The following CADM2 variants were observed in gnomAD, a reference collection of about 807,000 sequenced individuals.
The protein encoded by CADM2 is cell adhesion molecule 2, also known as immunoglobulin superfamily member 4D.
A neutral mutation model predicts 49.8 loss-of-function variants in CADM2; 12 were observed. The observed-to-expected ratio is 0.24, with a 90% CI of 0.15 to 0.39. CADM2 has a LOEUF of 0.39. Ranked by LOEUF, CADM2 falls within the 10% of genes least tolerant of loss-of-function variation. CADM2 has a pLI of 1.00. For synonymous variants in CADM2, 214 were observed against 175.4 expected (o/e 1.22, Z -1.74); for missense variants, 378 against 492.3 (o/e 0.77, Z 2.20).
At position 84,962,484 on chromosome 3, in the gene CADM2, C is replaced by T. The variant is rs2030632583; in HGVS notation, c.61+2816C>T. On this transcript the variant is annotated intron_variant, in intron 1 of 9. Transcript: ENST00000383699. ...TGTTTCGGGGTTCAGATTTATGTTT[C>T]TTCCCCTACCCTACTGTTTTATTAG... Among the ~76,000 whole-genome samples the T allele has an allele frequency of 2.6e-5, 4 of 152,070 alleles. 1 individual carries two copies. The highest frequency in any genetic ancestry group is 2.6e-4 in the Admixed American group (4 of 15,272).
intron 8 of CADM2, among the ~76,000 whole-genome samples, chr3:85,964,139 C>T (rs1027744530): frequency 5.3e-5 from 8 of 151,748 alleles, no homozygotes; most frequent in African/African-American, 1.7e-4. Flanking sequence ...GTTTCAAAAC[C>T]TTACTAAATG....
At chr3:85,072,509 G>A (rs1046817067) in intron 1 of CADM2, among the ~76,000 whole-genome samples, 7 of 152,032 alleles carry the variant, frequency 4.6e-5, no homozygotes, top group Non-Finnish European at 1.0e-4. Context: ...AGAACTTAGA[G>A]GAGGTCATGT....
intron 1 of CADM2, among the ~76,000 whole-genome samples, chr3:85,309,852 A>G (rs563556056): frequency 1.3e-5 from 2 of 152,332 alleles, no homozygotes; most frequent in African/African-American, 2.4e-5. Flanking sequence ...TGACAGAGCT[A>G]TGATCTGGCA....
At chr3:85,485,271 T>C (rs2067917) in intron 1 of CADM2, among the ~76,000 whole-genome samples, 31,434 of 151,728 alleles carry the variant, frequency 0.21, 3,873 homozygotes, top group East Asian at 0.3. Context: ...AGAACTATTG[T>C]TCCATATTTT....
intron 3 of CADM2, among the ~76,000 whole-genome samples, chr3:85,852,470 G>A (rs1577476390): frequency 6.6e-6 from 1 of 151,998 alleles, no homozygotes; most frequent in Non-Finnish European, 1.5e-5. Flanking sequence ...TGATTCATGG[G>A]TATTAAAGTG....
Position 85,770,000 on chromosome 3 carries a change from A to C in CADM2, c.89-32047A>C, listed in dbSNP as rs189585540. 2.3e-3 allele frequency among the ~76,000 whole-genome samples: 325 copies of C among 141,112 alleles called. 1 individual carries two copies. The highest frequency in any genetic ancestry group is 2.0e-3 in the Non-Finnish European group (136 of 67,852). 92.6% of individuals were successfully genotyped at this position (141,112 alleles called of 152,430 possible). A position where few individuals can be genotyped will look rare whatever the true frequency, so the allele number is the denominator to read the frequency against. ...TTTATATATGATTCAAAAAACAAAC[A>C]AAAAAAACAGCATTTCTTCAGCCTC... On this transcript the variant is annotated intron_variant, in intron 2 of 9. Transcript: ENST00000383699.
chr3:85,075,317 T>C (rs1028907368), intron 1 of CADM2, among the ~76,000 whole-genome samples: 2 of 151,976 alleles, frequency 1.3e-5, no homozygotes, highest in African/African-American at 4.8e-5. Context: ...ACTTGCAACA[T>C]TTAGATTTTC....
Position 85,023,146 on chromosome 3 carries a change from G to A in CADM2, c.61+63478G>A, listed in dbSNP as rs573351723. Among the ~76,000 whole-genome samples the A allele has an allele frequency of 3.2e-3, 493 of 152,142 alleles. 4 individuals carry two copies. Among genetic ancestry groups the A allele is most frequent in the African/African-American group, 0.011 (462 of 41,540 alleles). The stretch of plus-strand genomic sequence containing the variant: ...TTACAGAACTGTTCAACTTAAAAAT[G>A]AATTCAGACTAAATTTTAGAAAAAA... On this transcript the variant is annotated intron_variant, in intron 1 of 9. Coordinates refer to ENST00000383699, the MANE Select transcript of CADM2 (RefSeq NM_001167675.2).
In CADM2 at chr3:85,408,010, C is replaced by CAAAAAAAAAAAAAAAAAAAAAAAAAAAA. The variant is rs372349246; in HGVS notation, c.62-318492_62-318491insAAAAAAAAAAAAAAAAAAAAAAAAAAAA. ...CTCTTTAAACAAAACAAAACAAAAC[C>CAAAAAAAAAAAAAAAAAAAAAAAAAAAA]AAAAAAAAAAAAAAAAAAAAGAAGA... On this transcript the variant is annotated intron_variant, in intron 1 of 9. Coordinates refer to ENST00000383699, the MANE Select transcript of CADM2 (RefSeq NM_001167675.2). 2.3e-4 allele frequency among the ~76,000 whole-genome samples: 13 copies of CAAAAAAAAAAAAAAAAAAAAAAAAAAAA among 56,174 alleles called. 1 individual carries two copies. The highest frequency in any genetic ancestry group is 1.2e-3 in the Admixed American group (4 of 3,444). 36.9% of individuals were successfully genotyped at this position (56,174 alleles called of 152,430 possible). A position where few individuals can be genotyped will look rare whatever the true frequency, so the allele number is the denominator to read the frequency against.
At chr3:85,772,759 T>A (rs1363287539) in intron 2 of CADM2, among the ~76,000 whole-genome samples, 2 of 151,896 alleles carry the variant, frequency 1.3e-5, no homozygotes, top group African/African-American at 4.8e-5. Flanking sequence ...TCTATCTCTA[T>A]TTAACTCCCA....
chr3:85,789,665 G>T (rs189010486), intron 2 of CADM2, among the ~76,000 whole-genome samples: 325 of 152,152 alleles, frequency 2.1e-3, no homozygotes, highest in African/African-American at 7.2e-3. Context: ...ATAAACTATG[G>T]TTTGAATTTT....
chr3:85,765,816 G>T (rs1191512725), intron 2 of CADM2, among the ~76,000 whole-genome samples: 8 of 151,962 alleles, frequency 5.3e-5, no homozygotes, highest in Admixed American at 4.6e-4. Context: ...TAATTAGTAT[G>T]TATGGCAAAG....
chr3:85,527,599 GA>G (rs11337112), intron 1 of CADM2, among the ~76,000 whole-genome samples: 76,697 of 149,068 alleles, frequency 0.51, 22,584 homozygotes, highest in East Asian at 0.85. Context: ...GTTGTAACCT[GA>G]AAAAAAAAAT....
intron 1 of CADM2, among the ~76,000 whole-genome samples, chr3:85,044,334 C>T (rs1256768605): frequency 6.6e-6 from 1 of 152,016 alleles, no homozygotes; most frequent in Non-Finnish European, 1.5e-5. Context: ...AAAAAAAGAC[C>T]TGGGTAATGT....
At chr3:85,276,928 A>G (rs746149823) in intron 1 of CADM2, among the ~76,000 whole-genome samples, 3 of 151,398 alleles carry the variant, frequency 2.0e-5, no homozygotes, top group Non-Finnish European at 3.0e-5. Context: ...TCTGACTTAA[A>G]ATTTTGAATT....
chr3:85,270,137 C>T (rs940976675), intron 1 of CADM2, among the ~76,000 whole-genome samples: 4 of 151,134 alleles, frequency 2.6e-5, no homozygotes, highest in Admixed American at 6.6e-5. Context: ...ACTCCTAAAC[C>T]GCTCTCTGAA....
chr3:85,360,918 C>T (rs577299498), intron 1 of CADM2, among the ~76,000 whole-genome samples: 3 of 152,134 alleles, frequency 2.0e-5, no homozygotes, highest in Admixed American at 6.6e-5. Flanking sequence ...GTGTGGCATC[C>T]TTCACATGCT....
At chr3:85,313,826 T>C (rs72921360) in intron 1 of CADM2, among the ~76,000 whole-genome samples, 14,417 of 152,250 alleles carry the variant, frequency 0.095, 1,412 homozygotes, top group African/African-American at 0.25. Context: ...TAAGATAATT[T>C]GTTTTAAAAT....
intron 5 of CADM2, among the ~76,000 whole-genome samples, chr3:85,895,677 G>T (rs890372341): frequency 1.3e-5 from 2 of 152,156 alleles, no homozygotes; most frequent in Non-Finnish European, 2.9e-5. Context: ...CCAGTGGGAG[G>T]TAAATGAATC....
Sources: allele counts gnomAD v4.1 joint callset (sites outside exome capture counted in the v4.1 genomes callset), GRCh38; gene constraint gnomAD v4.1.1; transcripts MANE v1.5; gene names NCBI Gene and HGNC (gene_info 2026-07-23, HGNC 2026-07-21).